GNAI1: variants seen among roughly 807,000 people sequenced by gnomAD.
The protein encoded by GNAI1 is G protein subunit alpha i1.
Under a neutral mutation model 38.9 loss-of-function variants are expected in GNAI1, and 11 were observed. The ratio of observed to expected loss-of-function variants is 0.28; its 90% CI spans 0.18 to 0.47. The LOEUF is 0.47. Among genes scored for constraint, GNAI1 ranks in the 20% least tolerant of loss-of-function variants. The probability of loss-of-function intolerance (pLI) is 0.99; values close to 1 mark genes in which losing one functional copy is unlikely to be tolerated. For missense variants in GNAI1, 317 were observed against 436.9 expected (o/e 0.73, Z 2.45); for synonymous variants, 166 against 145.1 (o/e 1.14, Z -1.04).
At chr7:80,137,730 C>G (rs969425946) in intron 1 of GNAI1, among the ~76,000 whole-genome samples, 1 of 152,102 alleles carries the variant, frequency 6.6e-6, no homozygotes, top group Non-Finnish European at 1.5e-5. Context: ...TAGCTTTGGT[C>G]TTTTGCTTTT....
chr7:80,202,878 C>G (rs1425960811), intron 4 of GNAI1, among the ~76,000 whole-genome samples: 1 of 152,178 alleles, frequency 6.6e-6, no homozygotes, highest in Non-Finnish European at 1.5e-5. Flanking sequence ...TACTGATTTA[C>G]AGCTTCTCCT....
intron 1 of GNAI1, among the ~76,000 whole-genome samples, chr7:80,161,937 G>A (rs1406964735): frequency 1.3e-5 from 2 of 152,084 alleles, no homozygotes; most frequent in Admixed American, 1.3e-4. Context: ...ATGTCCTAAA[G>A]GATCTATAAA....
intron 7 of GNAI1, 105 bp from the exon 8 acceptor site, chr7:80,217,198 C>CTGTATGAAACTGACTTAAGTTTCATA: frequency 2.1e-6 from 1 of 478,782 alleles, no homozygotes; most frequent in Non-Finnish European, 3.6e-6. Context: ...ATGAATGAAA[C>CTGTATGAAACTGACTTAAGTTTCATA]TGTATGAAAC....
chr7:80,157,058 T>C (rs1787831226), intron 1 of GNAI1, among the ~76,000 whole-genome samples: 1 of 152,244 alleles, frequency 6.6e-6, no homozygotes, highest in Admixed American at 6.5e-5. Context: ...TCCAGCATTA[T>C]AGAATCACAC....
intron 1 of GNAI1, among the ~76,000 whole-genome samples, chr7:80,147,486 T>A (rs867331394): frequency 6.6e-6 from 1 of 152,060 alleles, no homozygotes; most frequent in Admixed American, 6.6e-5. Context: ...GGCCCCCTGA[T>A]GCGATCTCCA....
intron 1 of GNAI1, among the ~76,000 whole-genome samples, chr7:80,176,547 A>G (rs866475381): frequency 1.3e-5 from 2 of 152,188 alleles, no homozygotes; most frequent in Admixed American, 6.5e-5. Flanking sequence ...GCTACAAAGG[A>G]CAGACTTACT....
chr7:80,148,150 G>A (rs1442448526), intron 1 of GNAI1, among the ~76,000 whole-genome samples: 2 of 152,124 alleles, frequency 1.3e-5, no homozygotes, highest in African/African-American at 4.8e-5. Flanking sequence ...TATAGGTCAG[G>A]TTGAGTTTTA....
At chr7:80,172,201 C>T (rs1237000586) in intron 1 of GNAI1, among the ~76,000 whole-genome samples, 7 of 152,062 alleles carry the variant, frequency 4.6e-5, no homozygotes, top group African/African-American at 9.7e-5. Context: ...GTTGGAGGTT[C>T]GTAAAAAGAG....
intron 3 of GNAI1, 87 bp downstream of exon 3, chr7:80,189,318 CA>C: frequency 8.7e-7 from 1 of 1,155,430 alleles, no homozygotes; most frequent in Non-Finnish European, 1.3e-6. Context: ...ATAGGCTTGT[CA>C]ACTATCAGGA....
chr7:80,217,238 A>AGTTTCATATGTATTAAACTGAC, intron 7 of GNAI1, 65 bp from the exon 8 acceptor site: 1 of 323,780 alleles, frequency 3.1e-6, no homozygotes, highest in Non-Finnish European at 4.5e-6. Flanking sequence ...ATGAAACTGA[A>AGTTTCATATGTATTAAACTGAC]TTCAGTATTT....
chr7:80,199,126 G>A (rs1357924622), intron 3 of GNAI1, 99 bp from the exon 4 acceptor site: 6 of 827,336 alleles, frequency 7.3e-6, no homozygotes, highest in Non-Finnish European at 1.1e-5. Flanking sequence ...AAGGAAGTTC[G>A]CTATTGCCTT....
chr7:80,163,770 G>A (rs771302481), intron 1 of GNAI1, among the ~76,000 whole-genome samples: 10 of 152,098 alleles, frequency 6.6e-5, no homozygotes, highest in Non-Finnish European at 1.3e-4. Context: ...GCAAACCTAC[G>A]TAAACTGGAG....
intron 1 of GNAI1, among the ~76,000 whole-genome samples, chr7:80,154,025 C>T (rs1208308861): frequency 1.3e-5 from 2 of 152,130 alleles, no homozygotes; most frequent in Non-Finnish European, 2.9e-5. Context: ...CAGGCTCAAG[C>T]GATCCTCTCA....
chr7:80,220,509 G>A lies in GNAI1; in HGVS notation c.*3016G>A, dbSNP rs1329712638. ...CTCTAGGCTTAGACCTGACCAATCC[G>A]AGTCCTCCAGCATTGGACGAGTGAG... On this transcript the variant is annotated 3_prime_UTR_variant, in exon 8 of 8. Coordinates refer to ENST00000649796, the MANE Select transcript of GNAI1 (RefSeq NM_002069.6). Among the ~76,000 whole-genome samples the A allele has an allele frequency of 2.0e-5, 3 of 152,122 alleles. No homozygotes were observed. The highest frequency in any genetic ancestry group is 6.6e-5 in the Admixed American group (1 of 15,266).
rs572514868 is a variant in GNAI1 at position 80,169,922 on chromosome 7, C to G, written c.119-19029C>G. Among the ~76,000 whole-genome samples, 3 of 152,274 alleles carry G rather than the reference C, an allele frequency of 2.0e-5. No homozygotes were observed. The South Asian group carries it at 6.2e-4, about 32-fold the overall frequency. ...TCTGGACATTTCGTATAAATGGAAT[C>G]ATATAATACGATCTTTGGATTCTTT... is the stretch of plus-strand genomic sequence containing the variant. On this transcript the variant is annotated intron_variant, in intron 1 of 7. Transcript: ENST00000649796.
intron 1 of GNAI1, chr7:80,135,521 T>A: frequency 2.5e-6 from 1 of 397,346 alleles, no homozygotes; most frequent in Non-Finnish European, 4.4e-6. Context: ...ACTCGGATGC[T>A]TTCGTGCGAC....
chr7:80,155,679 C>T (rs1221503044), intron 1 of GNAI1, among the ~76,000 whole-genome samples: 1 of 151,364 alleles, frequency 6.6e-6, no homozygotes, highest in African/African-American at 2.4e-5. Context: ...TTTTAAGTAG[C>T]AATGGCATTC....
Position 80,198,692 on chromosome 7 carries a change from A to G in GNAI1, c.304-533A>G, listed in dbSNP as rs116477868. Among the ~76,000 whole-genome samples the G allele has an allele frequency of 4.2e-3, 644 of 152,216 alleles. 4 individuals are homozygous for G. The highest frequency in any genetic ancestry group is 0.014 in the African/African-American group (602 of 41,554). ...TAAAATCTCCTGAAAATCTCAGACC[A>G]TTACATGAAATTAGTCTTCTGGTCT... On this transcript the variant is annotated intron_variant, in intron 3 of 7. Coordinates refer to ENST00000649796, the MANE Select transcript of GNAI1 (RefSeq NM_002069.6).
intron 1 of GNAI1, 102 bp downstream of exon 1, chr7:80,135,380 C>T: frequency 1.6e-6 from 1 of 615,858 alleles, no homozygotes; most frequent in Non-Finnish European, 2.5e-6. Flanking sequence ...GGAGGAAGCG[C>T]CCGAGGAGGC....
Sources: allele counts gnomAD v4.1 joint callset (sites outside exome capture counted in the v4.1 genomes callset), GRCh38; gene constraint gnomAD v4.1.1; transcripts MANE v1.5; gene names NCBI Gene and HGNC (gene_info 2026-07-23, HGNC 2026-07-21).